NALCN: variants seen among roughly 807,000 people sequenced by gnomAD.
The protein encoded by NALCN is sodium leak channel NALCN.
In NALCN, 111 loss-of-function variants were observed where a neutral mutation model predicts 225.3. The observed-to-expected ratio is 0.49, with a 90% CI of 0.42 to 0.58. The LOEUF is 0.58. Among genes scored for constraint, NALCN ranks in the 20% least tolerant of loss-of-function variants. NALCN has a pLI of 0.00. For missense variants in NALCN, 1,378 were observed against 2,202.4 expected, an observed-to-expected ratio of 0.63 and a Z score of 7.49; for synonymous variants, 764 against 769.0, an observed-to-expected ratio of 0.99 and a Z score of 0.11.
intron 10 of NALCN, among the ~76,000 whole-genome samples, chr13:101,279,203 T>C (rs1487257612): frequency 1.3e-5 from 2 of 152,184 alleles, no homozygotes; most frequent in Admixed American, 6.5e-5. Context: ...GTAACAGAGG[T>C]ACCTGGCTTA....
chr13:101,346,467 G>T (rs554024156), intron 6 of NALCN, among the ~76,000 whole-genome samples: 15 of 152,194 alleles, frequency 9.9e-5, no homozygotes, highest in Non-Finnish European at 1.8e-4. Flanking sequence ...CGAATACTAC[G>T]AAACTCATCA....
In NALCN at chr13:101,144,842, G is replaced by T. The variant is rs541633673; in HGVS notation, c.1894C>A (p.Arg632=). The change falls in exon 16 of 44, where the codon CGA becomes AGA. Residue 632 remains arginine (R), a synonymous_variant. Transcript: ENST00000251127. ...CTGTTTGGAAATTTTTCAAAGATTC[G>T]CAGGCGTAAAGGGAGCTTTTCTTTG... ...DTKEKLPLRL[R]IFEKFPNRPQ... 13 of 1,613,426 alleles carry T rather than the reference G, an allele frequency of 8.1e-6. No homozygotes were observed. The highest frequency in any genetic ancestry group is 2.2e-5 in the South Asian group (2 of 90,972).
At chr13:101,369,201 T>TGTGTGTGTGTGTGA (rs1555342715) in intron 6 of NALCN, among the ~76,000 whole-genome samples, 3 of 150,798 alleles carry the variant, frequency 2.0e-5, no homozygotes, top group African/African-American at 4.9e-5. Context: ...TGTGTGTGTA[T>TGTGTGTGTGTGTGA]GCTACTAGGC....
At chr13:101,153,224 C>T (rs554517820) in intron 15 of NALCN, among the ~76,000 whole-genome samples, 1 of 152,162 alleles carries the variant, frequency 6.6e-6, no homozygotes, top group Non-Finnish European at 1.5e-5. Flanking sequence ...CATATAAATG[C>T]CAGACGTGTA....
At chr13:101,069,195 G>A (rs1257539696) in intron 37 of NALCN, among the ~76,000 whole-genome samples, 1 of 152,208 alleles carries the variant, frequency 6.6e-6, no homozygotes, top group Non-Finnish European at 1.5e-5. Flanking sequence ...TTCTCTGACT[G>A]AAGTAATGGG....
At chr13:101,116,070 C>T (rs1360056839) in intron 18 of NALCN, among the ~76,000 whole-genome samples, 1 of 152,078 alleles carries the variant, frequency 6.6e-6, no homozygotes, top group Non-Finnish European at 1.5e-5. Context: ...AGGCATTTTC[C>T]TTTTCCCAGT....
chr13:101,385,705 C>T (rs1327992366), intron 3 of NALCN, among the ~76,000 whole-genome samples: 1 of 152,146 alleles, frequency 6.6e-6, no homozygotes, highest in African/African-American at 2.4e-5. Flanking sequence ...AATACTAGTG[C>T]ATTGATATCT....
intron 18 of NALCN, among the ~76,000 whole-genome samples, chr13:101,121,697 G>C (rs1264594689): frequency 6.6e-6 from 1 of 152,144 alleles, no homozygotes; most frequent in African/African-American, 2.4e-5. Context: ...GACAGAATCT[G>C]CATCCTCTTT....
chr13:101,409,054 T>C (rs1459547420), intron 1 of NALCN, among the ~76,000 whole-genome samples: 1 of 152,200 alleles, frequency 6.6e-6, no homozygotes, highest in East Asian at 1.9e-4. Context: ...CCAAGGATTC[T>C]GTTTTGTTTT....
chr13:101,359,147 A>G (rs2046150957), intron 6 of NALCN, among the ~76,000 whole-genome samples: 1 of 152,194 alleles, frequency 6.6e-6, no homozygotes. Context: ...ATACCTAGGT[A>G]GCAAACCTGC....
chr13:101,066,389 C>T (rs897713714), intron 39 of NALCN, among the ~76,000 whole-genome samples: 1 of 151,974 alleles, frequency 6.6e-6, no homozygotes, highest in African/African-American at 2.4e-5. Flanking sequence ...GAGAATTAGG[C>T]CTTCAGCTCT....
At position 101,060,275 on chromosome 13, in the gene NALCN, GTT is replaced by G. The variant is rs771531599; in HGVS notation, c.4756-310_4756-309del. 2.4e-4 allele frequency among the ~76,000 whole-genome samples: 19 copies of G among 79,830 alleles called. 1 individual carries two copies. Among genetic ancestry groups the G allele is most frequent in the African/African-American group, 9.2e-4 (18 of 19,546 alleles). The allele number at this position is 79,830 out of a possible 152,430, so 52.4% of individuals were successfully genotyped here. On this transcript the variant is annotated intron_variant, in intron 41 of 43. Transcript: ENST00000251127. ...TTTCTTTTTGTTGTTGGTGTTTTCT[GTT>G]TTTTTTTTTTTTTTTTTAGATAGGA...
chr13:101,261,212 G>T (rs1213050954), intron 10 of NALCN, among the ~76,000 whole-genome samples: 1 of 152,064 alleles, frequency 6.6e-6, no homozygotes, highest in Non-Finnish European at 1.5e-5. Flanking sequence ...ATTCTGTTTC[G>T]TTGGTCTATG....
At chr13:101,141,848 G>T (rs1029427496) in intron 17 of NALCN, among the ~76,000 whole-genome samples, 1 of 151,984 alleles carries the variant, frequency 6.6e-6, no homozygotes, top group South Asian at 2.1e-4. Flanking sequence ...ATAAGCAAAA[G>T]AAAAAGGGCA....
At chr13:101,306,638 C>G (rs188769010) in intron 7 of NALCN, among the ~76,000 whole-genome samples, 2 of 152,198 alleles carry the variant, frequency 1.3e-5, no homozygotes, top group Non-Finnish European at 2.9e-5. Context: ...GCATCCCAAA[C>G]GTTAGAATAT....
At position 101,068,714 on chromosome 13, in the gene NALCN, G is replaced by T. The variant is rs1404974723; in HGVS notation, c.4311C>A (p.Ile1437=). Residue 1437 remains isoleucine (I), a synonymous_variant, in exon 38 of 44, where the codon ATC becomes ATA. Transcript: ENST00000251127. ...ACTTACCTACAAGCAGATTTAGCAT[G>T]ATGTAGGCAATGATGACATAAAATG... ...FCSFYVIIAY[I]MLNLLVAIIV... 1 of 1,606,148 alleles carries T rather than the reference G, an allele frequency of 6.2e-7. No homozygotes were observed. Among genetic ancestry groups the T allele is most frequent in the African/African-American group, 1.3e-5 (1 of 74,710 alleles).
intron 14 of NALCN, among the ~76,000 whole-genome samples, chr13:101,177,621 C>T (rs2039016292): frequency 6.6e-6 from 1 of 151,702 alleles, no homozygotes; most frequent in Non-Finnish European, 1.5e-5. Context: ...TAAAATAAAA[C>T]AAAATAGCAT....
At position 101,111,092 on chromosome 13, in the gene NALCN, A is replaced by G. The variant is rs2035406866; in HGVS notation, c.2294+33T>C. 7 of 1,578,944 alleles carry G rather than the reference A, an allele frequency of 4.4e-6. No individual in the cohort carries two copies. In the East Asian group the frequency reaches 1.6e-4, roughly 36 times the overall value. On this transcript the variant is annotated intron_variant, in intron 19 of 43. Coordinates refer to ENST00000251127, the MANE Select transcript of NALCN (RefSeq NM_052867.4). The stretch of plus-strand genomic sequence containing the variant: ...TTCCTGTAAAACCCCCCTTTTTTAG[A>G]GTCTCTGAAGCCCTGTCTTCCCAAG...
At chr13:101,331,109 C>G (rs2045154088) in intron 7 of NALCN, among the ~76,000 whole-genome samples, 1 of 152,058 alleles carries the variant, frequency 6.6e-6, no homozygotes, top group Non-Finnish European at 1.5e-5. Flanking sequence ...GCAAACACAA[C>G]CCCAGTCACA....
Sources: allele counts gnomAD v4.1 joint callset (sites outside exome capture counted in the v4.1 genomes callset), GRCh38; gene constraint gnomAD v4.1.1; transcripts MANE v1.5; gene names NCBI Gene and HGNC (gene_info 2026-07-23, HGNC 2026-07-21).